The following MADD variants were observed in gnomAD, a reference collection of about 807,000 sequenced individuals.
MADD encodes MAP kinase-activating death domain protein.
MADD carries 109 observed loss-of-function variants against 176.7 expected under a neutral mutation model. The ratio of observed to expected loss-of-function variants is 0.62; its 90% CI spans 0.53 to 0.72. The LOEUF is 0.72. Ranked by LOEUF, MADD falls within the 30% of genes least tolerant of loss-of-function variation. The pLI is 0.00. For synonymous variants in MADD, 771 were observed against 771.3 expected (o/e 1.00, Z 0.01); for missense variants, 1,914 against 2,045.5 (o/e 0.94, Z 1.24).
chr11:47,301,483 G>A (rs1189215243), intron 22 of MADD, among the ~76,000 whole-genome samples: 3 of 152,058 alleles, frequency 2.0e-5, no homozygotes, highest in Non-Finnish European at 4.4e-5. Flanking sequence ...TTTTGGGTTT[G>A]GTTTGTTCTT....
chr11:47,276,046 C>T (rs753086728), exon 4 of MADD: 22 of 1,614,072 alleles, frequency 1.4e-5, no homozygotes, highest in Admixed American at 5.0e-5. Flanking sequence ...GAGTAGACAT[C>T]GAGGTCCTAC....
In MADD at chr11:47,273,820, C is replaced by A. The variant is rs911524173; in HGVS notation, c.-88-7C>A. ...GTGGATCTTATCAGTACTTTTTTTC[C>A]TATTAGACTTCGATTTTCAGAATTC... On this transcript the variant is annotated splice_polypyrimidine_tract_variant and splice_region_variant and intron_variant, in intron 1 of 32. Coordinates refer to ENST00000402192, the Ensembl canonical transcript of MADD. 1.6e-5 allele frequency: 17 copies of A among 1,062,550 alleles called. No homozygotes were observed. Among genetic ancestry groups the A allele is most frequent in the Admixed American group, 5.7e-5 (3 of 53,086 alleles). The allele number at this position is 1,062,550 out of a possible 1,614,324, so 65.8% of individuals were successfully genotyped here.
At chr11:47,289,756 A>G (rs1287779883) in intron 16 of MADD, 111 bp from the exon 18 acceptor site, 1 of 1,250,534 alleles carries the variant, frequency 8.0e-7, no homozygotes, top group East Asian at 2.5e-5. Context: ...GGACATTCAG[A>G]GACATGGCTT....
At chr11:47,286,775 G>T (rs1373314947) in intron 15 of MADD, among the ~76,000 whole-genome samples, 1 of 152,200 alleles carries the variant, frequency 6.6e-6, no homozygotes, top group South Asian at 2.1e-4. Context: ...GATTACTGCT[G>T]CTTCGCGGGA....
chr11:47,279,092 C>G lies in MADD; in HGVS notation c.1290+13C>G. ...GCATTTAAAGCAGGTAGGTGAAGAA[C>G]GAAGGAAAGAAAGGGGAGTATTAGA... On this transcript the variant is annotated intron_variant, in intron 7 of 32. Transcript: ENST00000402192. 2 of 1,612,600 alleles carry G rather than the reference C, an allele frequency of 1.2e-6. No individual in the cohort carries two copies. The highest frequency in any genetic ancestry group is 1.7e-6 in the Non-Finnish European group (2 of 1,179,020).
At position 47,308,987 on chromosome 11, in the gene MADD, C is replaced by G. The variant is rs756739056; in HGVS notation, c.3751+288C>G. ...CTGCTCTCAAATTGGCAGGAAGGGA[C>G]AAAGGATCCATGTGGGACCAGTTAG... On this transcript the variant is annotated intron_variant, in intron 23 of 32. Transcript: ENST00000402192. 3 of 1,613,974 alleles carry G rather than the reference C, an allele frequency of 1.9e-6. 1 individual carries two copies. The South Asian group carries it at 3.3e-5, about 18-fold the overall frequency.
intron 30 of MADD, 79 bp downstream of exon 34, chr11:47,326,631 G>GA: frequency 6.6e-7 from 1 of 1,524,962 alleles, no homozygotes. Context: ...CTCTCTTTGG[G>GA]AAATAGACTT....
rs201418661 is a variant in MADD at position 47,284,409 on chromosome 11, T to G, written c.2001T>G (p.Asp667Glu). The change falls in exon 12 of 33, where the codon GAT becomes GAG. Residue 667 changes from aspartate to glutamate, a missense_variant. Physicochemically the swap from Asp to Glu is conservative, Grantham distance 45. Transcript: ENST00000402192. The stretch of plus-strand genomic sequence containing the variant: ...CTCTGACACATGCAGCACTGGGGGA[T>G]GCCAGCGAGGTGGAGATTGACGAGC... 3.1e-6 allele frequency: 5 copies of G among 1,614,146 alleles called. No individual in the cohort carries two copies. In the Admixed American group the frequency reaches 6.7e-5, roughly 22 times the overall value.
chr11:47,301,045 T>C (rs562301535), intron 22 of MADD, among the ~76,000 whole-genome samples: 2 of 151,890 alleles, frequency 1.3e-5, no homozygotes, highest in South Asian at 4.2e-4. Context: ...TTTTTTTGGT[T>C]AGTCTAGCTC....
At chr11:47,272,028 A>C (rs1209573325) in intron 1 of MADD, 2 of 152,268 alleles carry the variant, frequency 1.3e-5, no homozygotes, top group Non-Finnish European at 2.9e-5. Flanking sequence ...ATCAAAAGCC[A>C]GAATTAGGAC....
chr11:47,297,493 C>A (rs2073635261), intron 22 of MADD, among the ~76,000 whole-genome samples: 1 of 150,714 alleles, frequency 6.6e-6, no homozygotes, highest in Non-Finnish European at 1.5e-5. Context: ...GTCACCCAGG[C>A]TGGAGTGCAG....
intron 7 of MADD, among the ~76,000 whole-genome samples, chr11:47,279,658 C>T (rs141389574): frequency 3.3e-5 from 5 of 151,320 alleles, no homozygotes; most frequent in Admixed American, 2.0e-4. Flanking sequence ...GGATTACAGG[C>T]GTGAGCCACT....
chr11:47,282,268 C>A, intron 8 of MADD, 113 bp from the exon 9 acceptor site: 1 of 744,156 alleles, frequency 1.3e-6, no homozygotes. Flanking sequence ...GATATCTCTC[C>A]CCTTGATGTT....
At chr11:47,281,787 TTAAATTAA>T in intron 8 of MADD, 34 bp downstream of exon 8, 1 of 1,515,352 alleles carries the variant, frequency 6.6e-7, no homozygotes, top group Non-Finnish European at 8.9e-7. Flanking sequence ...TCACAAGTTC[TTAAATTAA>T]TTTCTTTGCT....
intron 26 of MADD, 76 bp from the exon 30 acceptor site, chr11:47,315,144 C>G: frequency 1.2e-6 from 1 of 814,390 alleles, no homozygotes; most frequent in South Asian, 1.4e-5. Flanking sequence ...AATTTGATTG[C>G]TGGATGGGGA....
rs1426146223 is a variant in MADD, at chr11:47,278,723, T to C, written c.1210-276T>C. Among the ~76,000 whole-genome samples, 17 of 151,908 alleles carry C rather than the reference T, an allele frequency of 1.1e-4. No individual in the cohort carries two copies. The East Asian group carries it at 3.3e-3, about 29-fold the overall frequency. On this transcript the variant is annotated intron_variant, in intron 6 of 32. Transcript: ENST00000402192. Reference sequence around the variant, plus strand: ...CCCTTATGTGTGCTCATTGTAAAACTTAAAAAAAATAAAAATAAGCGTAAA... The same window carrying C: ...CCCTTATGTGTGCTCATTGTAAAACCTAAAAAAAATAAAAATAAGCGTAAA...
chr11:47,325,876 T>C lies in MADD; in HGVS notation c.4543-862T>C, dbSNP rs2095403701. Among the ~76,000 whole-genome samples the C allele has an allele frequency of 6.6e-6, 1 of 152,214 alleles. No individual in the cohort carries two copies. The highest frequency in any genetic ancestry group is 6.5e-5 in the Admixed American group (1 of 15,284). ...GGTTGAAGGCTTGGCCCCTAGAAGA[T>C]AGACTGCAGAGAAGGGGAGGAAAGC... On this transcript the variant is annotated intron_variant, in intron 30 of 32. Transcript: ENST00000402192. The surrounding 1 kb of genome is among the most constrained non-coding windows in gnomAD (Gnocchi z 4.5).
At chr11:47,300,192 TTTC>T (rs1171355964) in intron 22 of MADD, among the ~76,000 whole-genome samples, 19 of 151,594 alleles carry the variant, frequency 1.3e-4, no homozygotes, top group Non-Finnish European at 2.7e-4. Context: ...GAGGCTTTCT[TTTC>T]TTTTTTCTTT....
At chr11:47,273,634 CCTAT>C (rs34047925) in intron 1 of MADD, among the ~76,000 whole-genome samples, 189 bp from the exon 2 acceptor site, 85,537 of 151,646 alleles carry the variant, frequency 0.56, 25,874 homozygotes, top group Middle Eastern at 0.71. Flanking sequence ...CCATGCCTGG[CCTAT>C]CTATTTTTTA....
Sources: gnomAD v4.1 joint callset for allele counts (sites outside exome capture counted in the v4.1 genomes callset) on GRCh38, gnomAD v4.1.1 for gene constraint, Gnocchi (gnomAD v3.1) non-coding constraint, MANE v1.5 for transcripts, NCBI Gene and HGNC (gene_info 2026-07-23, HGNC 2026-07-21) for gene names.